The following C3orf70 variants were observed in gnomAD, a reference collection of about 807,000 sequenced individuals.
C3orf70 encodes the protein chromosome 3 open reading frame 70, also known as UPF0524 protein C3orf70.
In C3orf70, 15 loss-of-function variants were observed where a neutral mutation model predicts 20.7. The observed-to-expected ratio is 0.72, with a 90% CI of 0.48 to 1.11. The LOEUF is 1.11. Ranked by LOEUF, C3orf70 falls within the 50% of genes most tolerant of loss-of-function variation. C3orf70 has a pLI of 0.00. For missense variants in C3orf70, 332 were observed against 317.6 expected (o/e 1.05, Z -0.34); for synonymous variants, 161 against 125.7 (o/e 1.28, Z -1.88).
At chr3:185,105,737 G>A (rs1014553849) in intron 1 of C3orf70, among the ~76,000 whole-genome samples, 7 of 152,170 alleles carry the variant, frequency 4.6e-5, no homozygotes, top group African/African-American at 1.2e-4. Context: ...GTGGGGGCTC[G>A]AATCCAGGTT....
chr3:185,150,827 T>C (rs939676503), intron 1 of C3orf70, among the ~76,000 whole-genome samples: 1 of 152,162 alleles, frequency 6.6e-6, no homozygotes, highest in African/African-American at 2.4e-5. Context: ...TGAATACTAT[T>C]CCATAAAAGG....
chr3:185,086,975 A>G (rs1715470833), intron 1 of C3orf70, among the ~76,000 whole-genome samples: 1 of 152,206 alleles, frequency 6.6e-6, no homozygotes, highest in African/African-American at 2.4e-5. Context: ...CCAGTCCCTG[A>G]TAACTTATAT....
At chr3:185,138,318 A>G (rs1716668884) in intron 1 of C3orf70, among the ~76,000 whole-genome samples, 1 of 152,150 alleles carries the variant, frequency 6.6e-6, no homozygotes. Flanking sequence ...AGAGCATTCT[A>G]CCAAATGTTT....
chr3:185,137,194 C>T (rs186528300), intron 1 of C3orf70, among the ~76,000 whole-genome samples: 4 of 152,282 alleles, frequency 2.6e-5, no homozygotes, highest in Non-Finnish European at 4.4e-5. Flanking sequence ...GCGCTCCTCT[C>T]GTTGTCCACC....
At chr3:185,135,680 C>T (rs1716609735) in intron 1 of C3orf70, among the ~76,000 whole-genome samples, 2 of 152,128 alleles carry the variant, frequency 1.3e-5, no homozygotes, top group Admixed American at 1.3e-4. Context: ...GTGATAAATA[C>T]TCAAAGTGAT....
At chr3:185,108,793 TG>T (rs1158829284) in intron 1 of C3orf70, among the ~76,000 whole-genome samples, 1 of 152,218 alleles carries the variant, frequency 6.6e-6, no homozygotes, top group Non-Finnish European at 1.5e-5. Context: ...CTTTGGCAAA[TG>T]GATGTCACAC....
In C3orf70 at chr3:185,082,004, T is replaced by A. The variant is rs976664465; in HGVS notation, c.*1003A>T. 3.3e-5 allele frequency: 5 copies of A among 152,286 alleles called. No homozygotes were observed. Among genetic ancestry groups the A allele is most frequent in the African/African-American group, 1.2e-4 (5 of 41,456 alleles). The allele number at this position is 152,286 out of a possible 1,614,324, so 9.4% of individuals were successfully genotyped here. A position where few individuals can be genotyped will look rare whatever the true frequency, so the allele number is the denominator to read the frequency against. ...TCCATGCTAACTAAAACTATTAATT[T>A]ATTTTTTTTCCTTAAGATGTCAGAT... On this transcript the variant is annotated 3_prime_UTR_variant, in exon 2 of 2. Transcript: ENST00000335012.
At chr3:185,093,909 GACC>G (rs1561332633) in intron 1 of C3orf70, among the ~76,000 whole-genome samples, 3 of 151,656 alleles carry the variant, frequency 2.0e-5, no homozygotes, top group Non-Finnish European at 4.4e-5. Flanking sequence ...TTGGTTCGAG[GACC>G]ACCCCACCCC....
Position 185,082,200 on chromosome 3 carries a change from T to C in C3orf70, c.*807A>G, listed in dbSNP as rs1561322176. The C allele has an allele frequency of 6.6e-6, 1 of 152,084 alleles. No homozygotes were observed. The highest frequency in any genetic ancestry group is 1.5e-5 in the Non-Finnish European group (1 of 68,020). 9.4% of individuals were successfully genotyped at this position (152,084 alleles called of 1,614,324 possible). A position where few individuals can be genotyped will look rare whatever the true frequency, so the allele number is the denominator to read the frequency against. On this transcript the variant is annotated 3_prime_UTR_variant, in exon 2 of 2. Coordinates refer to ENST00000335012, the MANE Select transcript of C3orf70 (RefSeq NM_001025266.3). Reference sequence around the variant, plus strand: ...AAGTAAACCTCATCCTTCCCCTGGGTTCCCAGAGCTTTTTGGGTGCCATGA... The same window carrying C: ...AAGTAAACCTCATCCTTCCCCTGGGCTCCCAGAGCTTTTTGGGTGCCATGA...
chr3:185,147,775 C>T (rs1716908012), intron 1 of C3orf70, among the ~76,000 whole-genome samples: 1 of 152,180 alleles, frequency 6.6e-6, no homozygotes, highest in South Asian at 2.1e-4. Context: ...TTCTCTTTTG[C>T]CTTCAAGAGC....
At chr3:185,115,022 A>C (rs1298121249) in intron 1 of C3orf70, among the ~76,000 whole-genome samples, 1 of 152,252 alleles carries the variant, frequency 6.6e-6, no homozygotes, top group African/African-American at 2.4e-5. Context: ...AGAATAGATC[A>C]GTGATTCTCA....
chr3:185,109,859 C>T (rs2108595467), intron 1 of C3orf70, among the ~76,000 whole-genome samples: 1 of 152,168 alleles, frequency 6.6e-6, no homozygotes, highest in Non-Finnish European at 1.5e-5. Context: ...TTGAACCTGG[C>T]CAGAAATAAT....
intron 1 of C3orf70, among the ~76,000 whole-genome samples, chr3:185,137,882 C>A (rs955703650): frequency 6.6e-6 from 1 of 151,830 alleles, no homozygotes; most frequent in African/African-American, 2.4e-5. Flanking sequence ...GAAAGAAGAG[C>A]GTAATAAAGA....
intron 1 of C3orf70, among the ~76,000 whole-genome samples, chr3:185,112,524 G>GT (rs1179079091): frequency 2.6e-5 from 4 of 152,160 alleles, no homozygotes; most frequent in African/African-American, 9.7e-5. Context: ...TTTAAGCCAA[G>GT]TTTTTCAACA....
chr3:185,096,194 C>T (rs1478612298), intron 1 of C3orf70, among the ~76,000 whole-genome samples: 2 of 152,100 alleles, frequency 1.3e-5, no homozygotes, highest in East Asian at 1.9e-4. Flanking sequence ...TGTAGTTAAA[C>T]CAGCCAATTT....
In C3orf70 at chr3:185,152,599, G is replaced by T. The variant is rs1438122227; in HGVS notation, c.196+29C>A. 8 of 1,524,214 alleles carry T rather than the reference G, an allele frequency of 5.2e-6. No individual in the cohort carries two copies. The South Asian group carries it at 8.5e-5, about 16-fold the overall frequency. 94.4% of individuals were successfully genotyped at this position (1,524,214 alleles called of 1,614,324 possible). On this transcript the variant is annotated intron_variant, in intron 1 of 1. Transcript: ENST00000335012. The stretch of plus-strand genomic sequence containing the variant: ...CGGCGGGCGTCCCCCGGACCGCGGC[G>T]GAAGGCGGGAAGACGCGGCTCGACT...
intron 1 of C3orf70, among the ~76,000 whole-genome samples, chr3:185,143,615 AG>A (rs1205666890): frequency 6.6e-6 from 1 of 152,186 alleles, no homozygotes; most frequent in East Asian, 1.9e-4. Flanking sequence ...GAAGTATAAG[AG>A]AAAAGCAAAG....
intron 1 of C3orf70, among the ~76,000 whole-genome samples, chr3:185,145,684 T>C (rs1034111797): frequency 1.3e-5 from 2 of 152,240 alleles, no homozygotes; most frequent in African/African-American, 4.8e-5. Context: ...GATTTTGATA[T>C]ACATTTGCCA....
At chr3:185,096,299 AACT>A (rs1387939916) in intron 1 of C3orf70, among the ~76,000 whole-genome samples, 4 of 152,148 alleles carry the variant, frequency 2.6e-5, no homozygotes, top group African/African-American at 9.7e-5. Flanking sequence ...TTGTCTGTCT[AACT>A]ACTCCTGAAT....
Sources: allele counts gnomAD v4.1 joint callset (sites outside exome capture counted in the v4.1 genomes callset), GRCh38; gene constraint gnomAD v4.1.1; transcripts MANE v1.5; gene names NCBI Gene and HGNC (gene_info 2026-07-23, HGNC 2026-07-21).